Variants in SPARCL1 observed in about 807,000 individuals in gnomAD.
SPARCL1 encodes the protein SPARC-like protein 1.
SPARCL1 carries 52 observed loss-of-function variants against 67.1 expected under a neutral mutation model. That is an observed-to-expected ratio of 0.78 (90% CI 0.62 to 0.98). The LOEUF (loss-of-function observed/expected upper bound fraction) is 0.98. Among genes scored for constraint, SPARCL1 ranks in the 50% least tolerant of loss-of-function variants. SPARCL1 has a pLI of 0.00. For missense variants in SPARCL1, 717 were observed against 782.4 expected, an observed-to-expected ratio of 0.92 and a Z score of 1.00; for synonymous variants, 226 against 267.8, an observed-to-expected ratio of 0.84 and a Z score of 1.52.
chr4:87,494,953 G>A lies in SPARCL1; in HGVS notation c.201+28C>T, dbSNP rs564864170. ...AAGACCTTTGGAGAATTAAAAAATT[G>A]TATTAATATAAATGATGTTACTTTT... On this transcript the variant is annotated intron_variant, in intron 3 of 10. Transcript: ENST00000282470. The A allele has an allele frequency of 4.2e-5, 65 of 1,556,490 alleles. No individual in the cohort carries two copies. In the East Asian group the frequency reaches 6.8e-4, roughly 16 times the overall value.
intron 1 of SPARCL1, among the ~76,000 whole-genome samples, chr4:87,515,813 A>G (rs1202052499): frequency 6.6e-6 from 1 of 152,228 alleles, no homozygotes; most frequent in Non-Finnish European, 1.5e-5. Context: ...TAAGAGCCAA[A>G]CACCCACAAA....
chr4:87,479,746 C>A (rs1723731522), intron 9 of SPARCL1, among the ~76,000 whole-genome samples, 168 bp from the exon 10 acceptor site: 1 of 152,216 alleles, frequency 6.6e-6, no homozygotes, highest in Admixed American at 6.5e-5. Flanking sequence ...GTAAGGTTGA[C>A]AGCTTTTGGG....
chr4:87,505,392 A>C (rs1266893318), intron 1 of SPARCL1, among the ~76,000 whole-genome samples: 3 of 152,072 alleles, frequency 2.0e-5, no homozygotes, highest in South Asian at 2.1e-4. Context: ...TAGCGATGAT[A>C]ATTTAAAACA....
At position 87,486,888 on chromosome 4, in the gene SPARCL1, C is replaced by CTTTTTTTTTTT. The variant is rs57597004; in HGVS notation, c.1531+3374_1531+3384dup. 4.6e-4 allele frequency among the ~76,000 whole-genome samples: 13 copies of CTTTTTTTTTTT among 27,998 alleles called. 3 individuals carry two copies. Among genetic ancestry groups the CTTTTTTTTTTT allele is most frequent in the Admixed American group, 1.4e-3 (3 of 2,178 alleles). 18.4% of individuals were successfully genotyped at this position (27,998 alleles called of 152,430 possible). A position where few individuals can be genotyped will look rare whatever the true frequency, so the allele number is the denominator to read the frequency against. On this transcript the variant is annotated intron_variant, in intron 7 of 10. Coordinates refer to ENST00000282470, the MANE Select transcript of SPARCL1 (RefSeq NM_004684.6). ...TCTGAGGCTAGTATTGCAATTCCTGCTTTTTTTTTTTTTTTTTTTTTTTTT... is the reference window on the plus strand; with the variant it reads ...TCTGAGGCTAGTATTGCAATTCCTGCTTTTTTTTTTTTTTTTTTTTTTTTTTTTTTTTTTTT...
At position 87,520,054 on chromosome 4, in the gene SPARCL1, A is replaced by C. The variant is rs543548467; in HGVS notation, c.-12+8991T>G. Among the ~76,000 whole-genome samples the C allele has an allele frequency of 7.2e-5, 11 of 152,212 alleles. No homozygotes were observed. The South Asian group carries it at 2.3e-3, about 32-fold the overall frequency. On this transcript the variant is annotated intron_variant, in intron 1 of 10. Coordinates refer to ENST00000282470, the MANE Select transcript of SPARCL1 (RefSeq NM_004684.6). ...CAGAAGTTCAAGACCAGCCCAGCCA[A>C]CATGGTGAAACCTCATCTCTACTAA...
chr4:87,518,380 G>A (rs976836540), intron 1 of SPARCL1, among the ~76,000 whole-genome samples: 1 of 152,188 alleles, frequency 6.6e-6, no homozygotes, highest in Non-Finnish European at 1.5e-5. Flanking sequence ...AGGATTGCTT[G>A]AGCCCGGGAG....
chr4:87,475,294 T>G (rs1316389637), intron 10 of SPARCL1, among the ~76,000 whole-genome samples: 1 of 147,216 alleles, frequency 6.8e-6, no homozygotes, highest in Non-Finnish European at 1.5e-5. Flanking sequence ...TCTTTCAACT[T>G]CTTTGACATC....
intron 8 of SPARCL1, among the ~76,000 whole-genome samples, chr4:87,481,184 A>G (rs1306759943): frequency 6.6e-6 from 1 of 152,074 alleles, no homozygotes; most frequent in African/African-American, 2.4e-5. Flanking sequence ...CCAGAACCAC[A>G]ACTTTGCTCC....
In SPARCL1 at chr4:87,482,467, T is replaced by C; in HGVS notation, c.1625A>G (p.Asn542Ser). 2 of 1,614,012 alleles carry C rather than the reference T, an allele frequency of 1.2e-6. No homozygotes were observed. The highest frequency in any genetic ancestry group is 1.7e-4 in the Middle Eastern group (1 of 6,060). Residue 542 changes from asparagine to serine, a missense_variant, in exon 8 of 11, where the codon AAC (asparagine) becomes AGC (serine). Physicochemically the swap from Asn to Ser is conservative, Grantham distance 46 (BLOSUM62 1). Coordinates refer to ENST00000282470, the MANE Select transcript of SPARCL1 (RefSeq NM_004684.6). ...ATTTAGATAACCAGCGTGTTCAGAG[T>C]TGGCTTCATAAAGCTGCATGAGGAT... is the stretch of plus-strand genomic sequence containing the variant. ...KNILMQLYEANSEHAGYLNEK... is the reference protein window; with the variant it reads ...KNILMQLYEASSEHAGYLNEK...
Position 87,490,286 on chromosome 4 carries a change from A to C in SPARCL1, c.1518T>G (p.Phe506Leu). Residue 506 changes from phenylalanine (F) to leucine (L), a missense_variant, in exon 7 of 11, where the codon TTT becomes TTG. Transcript: ENST00000282470. ...ACATAATCTTACATTTGCAGGCTCCAAAATAATCCAGCTGGAGTTGATGCC... is the reference window on the plus strand; with the variant it reads ...ACATAATCTTACATTTGCAGGCTCCCAAATAATCCAGCTGGAGTTGATGCC... ...KKGHQLQLDY[F>L]GACKSIPTCT... 6.2e-7 allele frequency: 1 copy of C among 1,611,544 alleles called. No homozygotes were observed. The highest frequency in any genetic ancestry group is 8.5e-7 in the Non-Finnish European group (1 of 1,179,048).
intron 1 of SPARCL1, among the ~76,000 whole-genome samples, chr4:87,521,183 A>G (rs768449428): frequency 6.6e-6 from 1 of 152,232 alleles, no homozygotes; most frequent in Non-Finnish European, 1.5e-5. Flanking sequence ...TTTTTAGAAC[A>G]TTAATTTACA....
At position 87,491,708 on chromosome 4, in the gene SPARCL1, C is replaced by T. The variant is rs1481870813; in HGVS notation, c.1219-18G>A. Reference sequence around the variant, plus strand: ...TTCTTGGCCTTTAGAATAACAAGAGCAAAAGTTAAAATCTACTAAGAGGAG... The same window carrying T: ...TTCTTGGCCTTTAGAATAACAAGAGTAAAAGTTAAAATCTACTAAGAGGAG... On this transcript the variant is annotated intron_variant, in intron 4 of 10. Coordinates refer to ENST00000282470, the MANE Select transcript of SPARCL1 (RefSeq NM_004684.6). 2 of 1,581,364 alleles carry T rather than the reference C, an allele frequency of 1.3e-6. No homozygotes were observed. Among genetic ancestry groups the T allele is most frequent in the African/African-American group, 2.7e-5 (2 of 73,792 alleles).
intron 1 of SPARCL1, among the ~76,000 whole-genome samples, chr4:87,523,470 C>G (rs1725908573): frequency 6.6e-6 from 1 of 152,152 alleles, no homozygotes; most frequent in South Asian, 2.1e-4. Flanking sequence ...TTAAAAAGCA[C>G]TGGAAAAACA....
intron 4 of SPARCL1, among the ~76,000 whole-genome samples, chr4:87,493,193 C>A (rs757779543): frequency 2.6e-5 from 4 of 152,118 alleles, no homozygotes; most frequent in Non-Finnish European, 4.4e-5. Context: ...AAATTAATAC[C>A]CCTCTAGCAA....
rs553179695 is a variant in SPARCL1 at position 87,526,130 on chromosome 4, A to T, written c.-12+2915T>A. Among the ~76,000 whole-genome samples the T allele has an allele frequency of 3.3e-5, 5 of 152,100 alleles. No homozygotes were observed. The South Asian group carries it at 6.2e-4, about 19-fold the overall frequency. Reference sequence around the variant, plus strand: ...TGACAGCAAAGCAGCATTTCTTCTCACTCTGTGTAATGGCAAGCTGGCATA... The same window carrying T: ...TGACAGCAAAGCAGCATTTCTTCTCTCTCTGTGTAATGGCAAGCTGGCATA... On this transcript the variant is annotated intron_variant, in intron 1 of 10. Transcript: ENST00000282470.
chr4:87,483,704 A>G (rs1723928486), intron 7 of SPARCL1, among the ~76,000 whole-genome samples: 1 of 152,104 alleles, frequency 6.6e-6, no homozygotes, highest in East Asian at 1.9e-4. Context: ...CCCACCAACA[A>G]TATGAAAGCG....
intron 1 of SPARCL1, among the ~76,000 whole-genome samples, chr4:87,512,183 G>T (rs1458714480): frequency 4.6e-5 from 7 of 151,934 alleles, no homozygotes; most frequent in Non-Finnish European, 7.4e-5. Context: ...GGTCAGGCTG[G>T]TCTCAAACTC....
chr4:87,505,926 A>G (rs1725054306), intron 1 of SPARCL1, among the ~76,000 whole-genome samples: 1 of 152,104 alleles, frequency 6.6e-6, no homozygotes, highest in Non-Finnish European at 1.5e-5. Context: ...ACAAAATAGT[A>G]TGGTTTAGTG....
chr4:87,525,501 C>T (rs990971744), intron 1 of SPARCL1, among the ~76,000 whole-genome samples: 1 of 152,136 alleles, frequency 6.6e-6, no homozygotes, highest in Admixed American at 6.6e-5. Flanking sequence ...GCAGTGGGAA[C>T]TTGAAAAATG....
Sources: gnomAD v4.1 joint callset for allele counts (sites outside exome capture counted in the v4.1 genomes callset) on GRCh38, gnomAD v4.1.1 for gene constraint, MANE v1.5 for transcripts, NCBI Gene and HGNC (gene_info 2026-07-23, HGNC 2026-07-21) for gene names.